ANO7: variants seen among roughly 807,000 people sequenced by gnomAD.
The protein encoded by ANO7 is anoctamin-7.
Under a neutral mutation model 115.8 loss-of-function variants are expected in ANO7, and 114 were observed. The observed-to-expected ratio is 0.98, with a 90% CI of 0.85 to 1.15. The LOEUF is 1.15. Ranked by LOEUF, ANO7 falls within the 50% of genes most tolerant of loss-of-function variation. The pLI is 0.00. For missense variants in ANO7, 1,302 were observed against 1,201.2 expected (o/e 1.08, Z -1.24); for synonymous variants, 550 against 498.2 (o/e 1.10, Z -1.38).
At position 241,224,422 on chromosome 2, in the gene ANO7, C is replaced by A; in HGVS notation, c.*269C>A. Reference sequence around the variant, plus strand: ...CATAAGCCCAAGGGGCCCCTGCACCCAAGGGACCCTGTCCCTCGGTGGCCT... The same window carrying A: ...CATAAGCCCAAGGGGCCCCTGCACCAAAGGGACCCTGTCCCTCGGTGGCCT... On this transcript the variant is annotated 3_prime_UTR_variant, in exon 25 of 25. Transcript: ENST00000674324. 1 of 499,774 alleles carries A rather than the reference C, an allele frequency of 2.0e-6. No homozygotes were observed. Among genetic ancestry groups the A allele is most frequent in the Non-Finnish European group, 3.6e-6 (1 of 275,004 alleles). 31.0% of individuals were successfully genotyped at this position (499,774 alleles called of 1,614,324 possible).
In ANO7 at chr2:241,218,225, C is replaced by T; in HGVS notation, c.2179-14C>T. The T allele has an allele frequency of 6.8e-7, 1 of 1,460,532 alleles. No homozygotes were observed. Among genetic ancestry groups the T allele is most frequent in the South Asian group, 1.3e-5 (1 of 78,308 alleles). The allele number at this position is 1,460,532 out of a possible 1,614,324, so 90.5% of individuals were successfully genotyped here. ...GAGCGGGGGCCGCCTCGCGCTGACC[C>T]CTCCGGCGCCCAGGCCTTCCTCCTG... is the stretch of plus-strand genomic sequence containing the variant. On this transcript the variant is annotated splice_polypyrimidine_tract_variant and intron_variant, in intron 20 of 24. Transcript: ENST00000674324.
At position 241,191,214 on chromosome 2, in the gene ANO7, C is replaced by A. The variant is rs369964361; in HGVS notation, c.129C>A (p.Ala43=). ...HASEPGGQQA[A]ACRAGSPAKP... Reference sequence around the variant, plus strand: ...TCCAGCCAGGTGGACAGCAAGCGGCCGCCTGCAGAGCTGGGAGTCCTGCCA... The same window carrying A: ...TCCAGCCAGGTGGACAGCAAGCGGCAGCCTGCAGAGCTGGGAGTCCTGCCA... Residue 43 remains alanine, a synonymous_variant, in exon 3 of 25, where the codon GCC becomes GCA. Coordinates refer to ENST00000674324, the MANE Select transcript of ANO7 (RefSeq NM_001370694.2). The A allele has an allele frequency of 1.4e-5, 22 of 1,613,848 alleles. 1 individual carries two copies. The highest frequency in any genetic ancestry group is 1.2e-4 in the African/African-American group (9 of 75,050).
chr2:241,236,316 C>T, the ANO7 span: 1 of 410,382 alleles, frequency 2.4e-6, no homozygotes, highest in Non-Finnish European at 4.4e-6. Flanking sequence ...CATTCATCCC[C>T]CTGCAGCTGA....
chr2:241,226,517 C>T (rs62187434), downstream of ANO7, among the ~76,000 whole-genome samples: 26,418 of 151,674 alleles, frequency 0.17, 3,103 homozygotes, highest in East Asian at 0.57. Context: ...CTCTGCCTCC[C>T]GGGTTCACGC....
At position 241,204,066 on chromosome 2, in the gene ANO7, C is replaced by G. The variant is rs2068533965; in HGVS notation, c.889+568C>G. Among the ~76,000 whole-genome samples, 4 of 152,208 alleles carry G rather than the reference C, an allele frequency of 2.6e-5. No homozygotes were observed. The South Asian group carries it at 8.3e-4, about 32-fold the overall frequency. ...CCCACCGTGGACCCAGACAATAGAG[C>G]CAGCCAGGGCAGCGGGCGGGGCCGG... On this transcript the variant is annotated intron_variant, in intron 9 of 24. Coordinates refer to ENST00000674324, the MANE Select transcript of ANO7 (RefSeq NM_001370694.2).
rs2069037463 is a variant in ANO7 at position 241,222,203 on chromosome 2, C to T, written c.2322-983C>T. On this transcript the variant is annotated intron_variant, in intron 21 of 24. Coordinates refer to ENST00000674324, the MANE Select transcript of ANO7 (RefSeq NM_001370694.2). The stretch of plus-strand genomic sequence containing the variant: ...AAGCGAAGATCACGCCACTGCACTC[C>T]AGCCTGGGCAACAGAGCGAGACTCT... Among the ~76,000 whole-genome samples, 3 of 151,416 alleles carry T rather than the reference C, an allele frequency of 2.0e-5. No homozygotes were observed. The South Asian group carries it at 6.3e-4, about 32-fold the overall frequency.
intron 21 of ANO7, among the ~76,000 whole-genome samples, chr2:241,220,098 C>G (rs2068973528): frequency 6.6e-6 from 1 of 152,180 alleles, no homozygotes; most frequent in Non-Finnish European, 1.5e-5. Flanking sequence ...ATTTTGTTAA[C>G]TTCTGTGGTT....
intron 7 of ANO7, among the ~76,000 whole-genome samples, chr2:241,201,921 G>T (rs2068482087): frequency 6.6e-6 from 1 of 152,242 alleles, no homozygotes; most frequent in Non-Finnish European, 1.5e-5. Flanking sequence ...CCCAGCTTCA[G>T]GTGCAGACTC....
rs1332845275 is a variant in ANO7 at position 241,212,584 on chromosome 2, C to T, written c.1686C>T (p.Tyr562=). 6.2e-7 allele frequency: 1 copy of T among 1,613,380 alleles called. No individual in the cohort carries two copies. The highest frequency in any genetic ancestry group is 1.3e-5 in the African/African-American group (1 of 75,042). ...IAFFKGRFVG[Y]PGNYHTLFGV... Reference sequence around the variant, plus strand: ...GACTTTCTCCTAGGTTTGTGGGATACCCAGGCAACTACCACACCTTGTTTG... The same window carrying T: ...GACTTTCTCCTAGGTTTGTGGGATATCCAGGCAACTACCACACCTTGTTTG... The change falls in exon 17 of 25, where the codon TAC becomes TAT. Residue 562 remains tyrosine, a synonymous_variant. Coordinates refer to ENST00000674324, the MANE Select transcript of ANO7 (RefSeq NM_001370694.2).
intron 4 of ANO7, among the ~76,000 whole-genome samples, chr2:241,197,130 C>T (rs1482883236): frequency 1.3e-5 from 2 of 152,136 alleles, no homozygotes; most frequent in African/African-American, 4.8e-5. Context: ...GAGAGAGTCT[C>T]GCTCTGTTGC....
the ANO7 span, chr2:241,240,154 A>T: frequency 6.2e-7 from 1 of 1,602,946 alleles, no homozygotes; most frequent in Non-Finnish European, 8.5e-7. The surrounding 1 kb of genome is among the most constrained non-coding windows in gnomAD (Gnocchi z 5.5). Context: ...TGTTAGCCTG[A>T]CACCACGTGC....
intron 11 of ANO7, 76 bp downstream of exon 11, chr2:241,207,746 G>C (rs933341028): frequency 2.2e-6 from 3 of 1,353,676 alleles, no homozygotes; most frequent in Non-Finnish European, 3.1e-6. Context: ...TCCTGGTCCT[G>C]ACTCTGCCTG....
intron 17 of ANO7, among the ~76,000 whole-genome samples, chr2:241,213,140 ACGGCCCG>A (rs1292214275): frequency 1.3e-5 from 2 of 151,434 alleles, no homozygotes; most frequent in African/African-American, 4.9e-5. Context: ...CTCATGGCAC[ACGGCCCG>A]CAGGGGCTGG....
At chr2:241,220,115 A>G (rs1056280330) in intron 21 of ANO7, among the ~76,000 whole-genome samples, 11 of 152,162 alleles carry the variant, frequency 7.2e-5, no homozygotes, top group African/African-American at 2.4e-4. Flanking sequence ...GGTTACAGTA[A>G]TTTCTTATGT....
At chr2:241,193,693 T>C (rs995379491) in intron 3 of ANO7, among the ~76,000 whole-genome samples, 2 of 152,246 alleles carry the variant, frequency 1.3e-5, no homozygotes, top group African/African-American at 2.4e-5. Flanking sequence ...TCATGCTTTG[T>C]GTCTTAAAAT....
the ANO7 span, chr2:241,238,808 A>G: frequency 4.1e-6 from 6 of 1,468,890 alleles, no homozygotes; most frequent in Admixed American, 9.0e-5. The surrounding 1 kb of genome is among the most constrained non-coding windows in gnomAD (Gnocchi z 4.9). Context: ...GTACACAAAG[A>G]AAAAAGAAAA....
rs1159692723 is a variant in ANO7 at position 241,218,210 on chromosome 2, C to T, written c.2179-29C>T. ...GGGCGCGCAGGGGCGGAGCGGGGGC[C>T]GCCTCGCGCTGACCCCTCCGGCGCC... On this transcript the variant is annotated intron_variant, in intron 20 of 24. Transcript: ENST00000674324. 5 of 1,325,142 alleles carry T rather than the reference C, an allele frequency of 3.8e-6. No homozygotes were observed. The South Asian group carries it at 7.9e-5, about 21-fold the overall frequency. 82.1% of individuals were successfully genotyped at this position (1,325,142 alleles called of 1,614,324 possible). A position where few individuals can be genotyped will look rare whatever the true frequency, so the allele number is the denominator to read the frequency against.
chr2:241,209,146 C>A, intron 11 of ANO7, 139 bp from the exon 12 acceptor site: 1 of 1,112,480 alleles, frequency 9.0e-7, no homozygotes, highest in South Asian at 1.7e-5. Flanking sequence ...CAGACTCCGT[C>A]TCAAGCAAAC....
In ANO7 at chr2:241,203,537, C is replaced by T; in HGVS notation, c.889+39C>T. 4 of 1,394,298 alleles carry T rather than the reference C, an allele frequency of 2.9e-6. No individual in the cohort carries two copies. The highest frequency in any genetic ancestry group is 2.9e-5 in the East Asian group (1 of 34,662). 86.4% of individuals were successfully genotyped at this position (1,394,298 alleles called of 1,614,324 possible). On this transcript the variant is annotated intron_variant, in intron 9 of 24. Transcript: ENST00000674324. This position sits in a 1 kb window ranked among gnomAD's most constrained non-coding sequence, Gnocchi z 4.8. The stretch of plus-strand genomic sequence containing the variant: ...GCTGCCCCCCAGACCACCTGGGCCC[C>T]CCCAGCTTGGTGTCAGGTTGTAACA...
Sources: allele counts gnomAD v4.1 joint callset (sites outside exome capture counted in the v4.1 genomes callset), GRCh38; gene constraint gnomAD v4.1.1; non-coding constraint Gnocchi (gnomAD v3.1); transcripts MANE v1.5; gene names NCBI Gene and HGNC (gene_info 2026-07-23, HGNC 2026-07-21).